Variants in ACSL3 observed in about 807,000 individuals in gnomAD.
ACSL3 encodes acyl-CoA synthetase long chain family member 3.
A neutral mutation model predicts 84.7 loss-of-function variants in ACSL3; 34 were observed. The observed-to-expected ratio is 0.40, with a 90% CI of 0.31 to 0.53. The LOEUF (loss-of-function observed/expected upper bound fraction) is 0.53. Among genes scored for constraint, ACSL3 ranks in the 20% least tolerant of loss-of-function variants. The probability of loss-of-function intolerance (pLI) is 0.48; values close to 1 mark genes in which losing one functional copy is unlikely to be tolerated. For synonymous variants in ACSL3, 315 were observed against 299.4 expected (o/e 1.05, Z -0.54); for missense variants, 680 against 873.1 (o/e 0.78, Z 2.79).
intron 2 of ACSL3, among the ~76,000 whole-genome samples, chr2:222,893,779 C>T (rs948746032): frequency 1.3e-5 from 2 of 151,900 alleles, no homozygotes; most frequent in African/African-American, 4.8e-5. Context: ...TCTCCCCATC[C>T]CTCCTCTGCC....
chr2:222,883,335 C>T (rs1431803651), intron 1 of ACSL3, among the ~76,000 whole-genome samples: 1 of 152,044 alleles, frequency 6.6e-6, no homozygotes, highest in East Asian at 1.9e-4. Context: ...CAGGCATGCG[C>T]CACTATGCCT....
At position 222,897,078 on chromosome 2, in the gene ACSL3, GGGGCGGCTGGCCGGGC is replaced by G. The variant is rs1015443543; in HGVS notation, c.-147-3592_-147-3577del. Among the ~76,000 whole-genome samples, 4 of 18,068 alleles carry G rather than the reference GGGGCGGCTGGCCGGGC, an allele frequency of 2.2e-4. 2 individuals carry two copies. In the Admixed American group the frequency reaches 2.4e-3, roughly 11 times the overall value. 11.9% of individuals were successfully genotyped at this position (18,068 alleles called of 152,430 possible). A position where few individuals can be genotyped will look rare whatever the true frequency, so the allele number is the denominator to read the frequency against. On this transcript the variant is annotated intron_variant, in intron 2 of 16. Transcript: ENST00000357430. ...CAGAGGAGCCCCTCACCTCCCGGAC[GGGGCGGCTGGCCGGGC>G]GGGGGGCTGACCCCCCCCCACCTCC...
intron 4 of ACSL3, among the ~76,000 whole-genome samples, chr2:222,911,730 T>G (rs1696445065): frequency 6.6e-6 from 1 of 152,234 alleles, no homozygotes; most frequent in Non-Finnish European, 1.5e-5. Context: ...AATTCGTGTA[T>G]CAGTATAACT....
At position 222,908,778 on chromosome 2, in the gene ACSL3, TA is replaced by T; in HGVS notation, c.8del (p.Asn3ThrfsTer10). 1 of 1,584,334 alleles carries T rather than the reference TA, an allele frequency of 6.3e-7. No homozygotes were observed. Among genetic ancestry groups the T allele is most frequent in the South Asian group, 1.2e-5 (1 of 83,720 alleles). On this transcript the variant is annotated frameshift_variant, in exon 4 of 17. Transcript: ENST00000357430. LOFTEE classifies it high-confidence loss of function. MN[N>X]HVSSKPSTMK... ...ATTCTACTTTTTGAGTACTTATGAA[TA>T]ACCACGTGTCTTCAAAACCATCTAC...
chr2:222,903,401 C>T (rs1412991805), intron 3 of ACSL3, among the ~76,000 whole-genome samples: 1 of 152,238 alleles, frequency 6.6e-6, no homozygotes, highest in Non-Finnish European at 1.5e-5. Flanking sequence ...CCTGGCCTCC[C>T]AAAGTCCTGG....
intron 3 of ACSL3, among the ~76,000 whole-genome samples, chr2:222,902,010 C>T (rs564660029): frequency 6.7e-6 from 1 of 148,732 alleles, no homozygotes; most frequent in Admixed American, 6.7e-5. Flanking sequence ...CATCTGAAAC[C>T]TCAGTGGTAA....
intron 13 of ACSL3, among the ~76,000 whole-genome samples, chr2:222,929,860 A>C (rs1696976882): frequency 6.6e-6 from 1 of 151,980 alleles, no homozygotes; most frequent in African/African-American, 2.4e-5. Flanking sequence ...ATATTTAATA[A>C]ATTTAGGCTT....
chr2:222,916,504 G>A lies in ACSL3; in HGVS notation c.556+8G>A. ...TTATGTATAATTTTCAGCGTATGTAGACTTTCTTATCTTCTGGAAGAATGA... is the reference window on the plus strand; with the variant it reads ...TTATGTATAATTTTCAGCGTATGTAAACTTTCTTATCTTCTGGAAGAATGA... On this transcript the variant is annotated splice_region_variant and intron_variant, in intron 5 of 16. Coordinates refer to ENST00000357430, the MANE Select transcript of ACSL3 (RefSeq NM_004457.5). 1 of 1,561,074 alleles carries A rather than the reference G, an allele frequency of 6.4e-7. No homozygotes were observed. The highest frequency in any genetic ancestry group is 8.7e-7 in the Non-Finnish European group (1 of 1,149,982).
intron 1 of ACSL3, among the ~76,000 whole-genome samples, chr2:222,873,065 TCTG>T (rs1695347478): frequency 6.6e-6 from 1 of 152,226 alleles, no homozygotes; most frequent in Admixed American, 6.5e-5. Flanking sequence ...GTTAGCAATA[TCTG>T]TATCAAGTCA....
chr2:222,874,106 C>G (rs1331496759), intron 1 of ACSL3, among the ~76,000 whole-genome samples: 1 of 152,154 alleles, frequency 6.6e-6, no homozygotes, highest in East Asian at 1.9e-4. Context: ...ACTGCAACCT[C>G]CATCTCCCGG....
chr2:222,907,736 C>T (rs12474230), intron 3 of ACSL3, among the ~76,000 whole-genome samples: 46,564 of 149,848 alleles, frequency 0.31, 7,469 homozygotes, highest in Admixed American at 0.41. Flanking sequence ...TGTACTCTAT[C>T]CTGGGTGAGA....
chr2:222,883,782 A>G (rs1299897350), intron 1 of ACSL3, among the ~76,000 whole-genome samples: 1 of 152,120 alleles, frequency 6.6e-6, no homozygotes, highest in African/African-American at 2.4e-5. Context: ...TAAAATGAGA[A>G]TTAAATTTTC....
At chr2:222,939,951 A>G (rs370822582) in intron 16 of ACSL3, among the ~76,000 whole-genome samples, 1 of 152,284 alleles carries the variant, frequency 6.6e-6, no homozygotes, top group African/African-American at 2.4e-5. Context: ...GAAAGCAGAA[A>G]CTTGTCATTT....
chr2:222,925,152 C>T (rs750637813), intron 11 of ACSL3, among the ~76,000 whole-genome samples: 1 of 151,934 alleles, frequency 6.6e-6, no homozygotes, highest in African/African-American at 2.4e-5. Flanking sequence ...GCCTGGCCAA[C>T]GTGACAAAAC....
Position 222,905,947 on chromosome 2 carries a change from C to G in ACSL3, c.-40-2786C>G, listed in dbSNP as rs138045409. On this transcript the variant is annotated intron_variant, in intron 3 of 16. Transcript: ENST00000357430. ...TATAATAGCTGCTTTGCTGTCTTGTCTACTAAGTCTGACATCTGGGCCTTC... is the reference window on the plus strand; with the variant it reads ...TATAATAGCTGCTTTGCTGTCTTGTGTACTAAGTCTGACATCTGGGCCTTC... 2.1e-4 allele frequency among the ~76,000 whole-genome samples: 31 copies of G among 151,052 alleles called. No individual in the cohort carries two copies. In the East Asian group the frequency reaches 5.8e-3, roughly 28 times the overall value.
At chr2:222,862,968 C>A (rs1050957932) in intron 1 of ACSL3, among the ~76,000 whole-genome samples, 2 of 152,204 alleles carry the variant, frequency 1.3e-5, no homozygotes, top group African/African-American at 4.8e-5. Context: ...GGGTGAGAAT[C>A]AGATCTTAAA....
intron 11 of ACSL3, among the ~76,000 whole-genome samples, chr2:222,925,370 C>G (rs1299527511): frequency 6.8e-6 from 1 of 146,652 alleles, no homozygotes; most frequent in Non-Finnish European, 1.5e-5. Flanking sequence ...AAAAATCCAT[C>G]TTGACATGGG....
At chr2:222,879,015 A>C (rs529131255) in intron 1 of ACSL3, among the ~76,000 whole-genome samples, 3 of 152,210 alleles carry the variant, frequency 2.0e-5, no homozygotes, top group Non-Finnish European at 4.4e-5. Flanking sequence ...TTCTTAAAAA[A>C]AACAACAACA....
intron 1 of ACSL3, among the ~76,000 whole-genome samples, chr2:222,867,134 A>G (rs751910736): frequency 7.9e-5 from 12 of 152,144 alleles, no homozygotes; most frequent in Non-Finnish European, 1.3e-4. Context: ...TGCCCGGCCT[A>G]GAATTTTCTT....
Sources: gnomAD v4.1 joint callset for allele counts (sites outside exome capture counted in the v4.1 genomes callset) on GRCh38, gnomAD v4.1.1 for gene constraint, MANE v1.5 for transcripts, NCBI Gene and HGNC (gene_info 2026-07-23, HGNC 2026-07-21) for gene names.